Variants in ATP8A2 observed in about 807,000 individuals in gnomAD.
The protein encoded by ATP8A2 is ATPase phospholipid transporting 8A2, also known as phospholipid-transporting ATPase IB.
Under a neutral mutation model 165.6 loss-of-function variants are expected in ATP8A2, and 100 were observed. The observed-to-expected ratio is 0.60, with a 90% CI of 0.51 to 0.71. The LOEUF (loss-of-function observed/expected upper bound fraction) is 0.71, where lower values mean the gene tolerates loss of function less well. Ranked by LOEUF, ATP8A2 falls within the 30% of genes least tolerant of loss-of-function variation. The pLI is 0.00. For synonymous variants in ATP8A2, 543 were observed against 548.8 expected (o/e 0.99, Z 0.15); for missense variants, 1,227 against 1,479.5 (o/e 0.83, Z 2.80).
intron 33 of ATP8A2, among the ~76,000 whole-genome samples, chr13:25,912,182 A>T (rs1954129858): frequency 6.8e-6 from 1 of 148,062 alleles, no homozygotes; most frequent in Non-Finnish European, 1.5e-5. Flanking sequence ...ACACACACAC[A>T]CACACACACA....
chr13:26,016,734 C>T (rs933218988), intron 36 of ATP8A2, among the ~76,000 whole-genome samples: 4 of 152,166 alleles, frequency 2.6e-5, no homozygotes, highest in Admixed American at 6.5e-5. Context: ...TGACACCGAC[C>T]CTTTCTTTTC....
At chr13:25,912,516 T>TA (rs911354941) in intron 33 of ATP8A2, among the ~76,000 whole-genome samples, 14 of 152,152 alleles carry the variant, frequency 9.2e-5, no homozygotes, top group African/African-American at 3.4e-4. Flanking sequence ...ATCATACACT[T>TA]AAAAATCACT....
intron 34 of ATP8A2, among the ~76,000 whole-genome samples, chr13:25,962,731 A>C (rs1817883932): frequency 6.6e-6 from 1 of 152,202 alleles, no homozygotes; most frequent in African/African-American, 2.4e-5. Context: ...TTCCAGGGAA[A>C]GACATCAGAT....
chr13:25,824,852 C>T (rs1951274053), intron 27 of ATP8A2, among the ~76,000 whole-genome samples: 1 of 152,130 alleles, frequency 6.6e-6, no homozygotes, highest in East Asian at 1.9e-4. Context: ...TGCCCTTCAG[C>T]TTTAATTTGC....
At chr13:25,817,415 C>A (rs1951056230) in intron 27 of ATP8A2, among the ~76,000 whole-genome samples, 1 of 150,524 alleles carries the variant, frequency 6.6e-6, no homozygotes, top group Admixed American at 6.6e-5. Context: ...TGTAGTTTTG[C>A]AGAAACAGAG....
At chr13:25,857,401 G>T (rs1435105187) in intron 30 of ATP8A2, among the ~76,000 whole-genome samples, 3 of 151,908 alleles carry the variant, frequency 2.0e-5, no homozygotes, top group Non-Finnish European at 2.9e-5. Flanking sequence ...TTAAGACAGG[G>T]TCTTACACTG....
Position 25,412,914 on chromosome 13 carries a change from A to G in ATP8A2, c.76+40626A>G, listed in dbSNP as rs1354184568. ...TGGCTCACTGCAACCTCTGCCTTCCAGGTTCAAGCAATTCTGCCTCAGCCT... is the reference window on the plus strand; with the variant it reads ...TGGCTCACTGCAACCTCTGCCTTCCGGGTTCAAGCAATTCTGCCTCAGCCT... On this transcript the variant is annotated intron_variant, in intron 1 of 36. Transcript: ENST00000381655. Among the ~76,000 whole-genome samples, 4 of 152,148 alleles carry G rather than the reference A, an allele frequency of 2.6e-5. No individual in the cohort carries two copies. The South Asian group carries it at 6.2e-4, about 24-fold the overall frequency.
intron 35 of ATP8A2, among the ~76,000 whole-genome samples, chr13:25,971,077 C>T (rs1479576362): frequency 6.6e-6 from 1 of 152,092 alleles, no homozygotes; most frequent in Non-Finnish European, 1.5e-5. Context: ...TTTGGTTGCA[C>T]CATTTTCCTT....
intron 30 of ATP8A2, among the ~76,000 whole-genome samples, chr13:25,853,678 C>T (rs1465690949): frequency 6.6e-6 from 1 of 152,076 alleles, no homozygotes; most frequent in Non-Finnish European, 1.5e-5. Flanking sequence ...CCCCTTAGGG[C>T]TAATGTAGGT....
chr13:25,546,948 G>A (rs1001125132), intron 10 of ATP8A2, among the ~76,000 whole-genome samples: 7 of 151,894 alleles, frequency 4.6e-5, no homozygotes, highest in African/African-American at 4.8e-5. Flanking sequence ...TGGCCAACAT[G>A]GTGAAACCCC....
chr13:25,917,149 A>G (rs1488915089), intron 33 of ATP8A2, among the ~76,000 whole-genome samples: 1 of 152,182 alleles, frequency 6.6e-6, no homozygotes, highest in Non-Finnish European at 1.5e-5. Flanking sequence ...GTAGAATTTT[A>G]GAGTCTTTGT....
intron 24 of ATP8A2, among the ~76,000 whole-genome samples, chr13:25,607,365 A>G (rs2040544828): frequency 1.3e-5 from 2 of 152,202 alleles, no homozygotes; most frequent in South Asian, 4.1e-4. Flanking sequence ...TGTACTGTCA[A>G]TGATCACTTC....
intron 1 of ATP8A2, among the ~76,000 whole-genome samples, chr13:25,429,694 T>C (rs2034551699): frequency 6.6e-6 from 1 of 152,154 alleles, no homozygotes; most frequent in Non-Finnish European, 1.5e-5. Context: ...GTGAAGTTGC[T>C]ATTTGAGGGG....
chr13:26,022,265 T>C lies in ATP8A2; in HGVS notation c.*2280T>C, dbSNP rs190550963. The C allele has an allele frequency of 1.3e-5, 2 of 152,202 alleles. No homozygotes were observed. The highest frequency in any genetic ancestry group is 2.9e-5 in the Non-Finnish European group (2 of 68,044). 9.4% of individuals were successfully genotyped at this position (152,202 alleles called of 1,614,324 possible). A position where few individuals can be genotyped will look rare whatever the true frequency, so the allele number is the denominator to read the frequency against. On this transcript the variant is annotated 3_prime_UTR_variant, in exon 37 of 37. Transcript: ENST00000381655. ...GTGCATTAGGCATCTTAACTATTCA[T>C]ATTTTGTCTCATTTGGGAACTAAGC...
rs145694634 is a variant in ATP8A2 at position 25,609,568 on chromosome 13, A to AATATATATATATATATTTGGATCCAAAT, written c.2211+19883_2211+19884insATTTGGATCCAAATATATATATATATAT. ...ATATATATATATATATTTGGATTCA[A>AATATATATATATATATTTGGATCCAAAT]ATATATATATATATTTGGGTTCAAA... On this transcript the variant is annotated intron_variant, in intron 24 of 36. Coordinates refer to ENST00000381655, the MANE Select transcript of ATP8A2 (RefSeq NM_016529.6). Among the ~76,000 whole-genome samples the AATATATATATATATATTTGGATCCAAAT allele has an allele frequency of 7.1e-3, 253 of 35,418 alleles. 1 individual carries two copies. Among genetic ancestry groups the AATATATATATATATATTTGGATCCAAAT allele is most frequent in the Non-Finnish European group, 9.0e-3 (107 of 11,886 alleles). The allele number at this position is 35,418 out of a possible 152,430, so 23.2% of individuals were successfully genotyped here. A position where few individuals can be genotyped will look rare whatever the true frequency, so the allele number is the denominator to read the frequency against.
At chr13:25,386,460 T>G (rs2033048298) in intron 1 of ATP8A2, among the ~76,000 whole-genome samples, 1 of 152,192 alleles carries the variant, frequency 6.6e-6, no homozygotes. Context: ...CAGCAAACTA[T>G]GCTAAGCCAT....
intron 24 of ATP8A2, among the ~76,000 whole-genome samples, chr13:25,688,896 A>G (rs911579014): frequency 2.0e-5 from 3 of 151,884 alleles, no homozygotes; most frequent in African/African-American, 7.2e-5. Flanking sequence ...CTTCACTGCC[A>G]GTTTGCACAG....
chr13:25,427,658 G>A (rs1280543675), intron 1 of ATP8A2, among the ~76,000 whole-genome samples: 1 of 152,062 alleles, frequency 6.6e-6, no homozygotes, highest in Non-Finnish European at 1.5e-5. Flanking sequence ...CACTTTGGGA[G>A]GCCGAGGCAG....
Position 25,682,197 on chromosome 13 carries a change from G to T in ATP8A2, c.2212-16976G>T, listed in dbSNP as rs765082964. ...CCATGCAGCTTTCATGAAGTTGCTG[G>T]TATCTGTTAGCCGCACTCCATTGCC... On this transcript the variant is annotated intron_variant, in intron 24 of 36. Transcript: ENST00000381655. Among the ~76,000 whole-genome samples the T allele has an allele frequency of 1.4e-4, 21 of 152,204 alleles. No homozygotes were observed. The East Asian group carries it at 4.1e-3, about 29-fold the overall frequency.
Sources: gnomAD v4.1 joint callset for allele counts (sites outside exome capture counted in the v4.1 genomes callset) on GRCh38, gnomAD v4.1.1 for gene constraint, MANE v1.5 for transcripts, NCBI Gene and HGNC (gene_info 2026-07-23, HGNC 2026-07-21) for gene names.